Variants in OLFM1 observed in about 807,000 individuals in gnomAD.
OLFM1 encodes noelin.
In OLFM1, 9 loss-of-function variants were observed where a neutral mutation model predicts 49.7. The ratio of observed to expected loss-of-function variants is 0.18; its 90% confidence interval spans 0.11 to 0.32. OLFM1 has a LOEUF of 0.32. OLFM1 is among the 10% of genes least tolerant of loss of function. The pLI, the probability that OLFM1 is intolerant of heterozygous loss-of-function variation, is 1.00. For missense variants in OLFM1, 369 were observed against 661.8 expected (o/e 0.56, Z 4.85); for synonymous variants, 240 against 271.8 (o/e 0.88, Z 1.15).
At chr9:135,075,704 T>C (rs750773824) in exon 1 of OLFM1, 1 of 1,594,492 alleles carries the variant, frequency 6.3e-7, no homozygotes, top group South Asian at 1.1e-5. Flanking sequence ...CCCAGGGCCC[T>C]GCATGCCAGG....
intron 1 of OLFM1, among the ~76,000 whole-genome samples, chr9:135,081,108 G>A (rs577344470): frequency 6.6e-5 from 10 of 152,100 alleles, no homozygotes; most frequent in South Asian, 2.1e-4. Context: ...ATCATGTTGC[G>A]GCGGTCCCAG....
At chr9:135,076,320 T>A (rs1830465648) in intron 1 of OLFM1, 1 of 1,549,898 alleles carries the variant, frequency 6.5e-7, no homozygotes, top group Non-Finnish European at 8.7e-7. Flanking sequence ...GCAGCCAGCG[T>A]GCCGGCCAGC....
intron 1 of OLFM1, chr9:135,076,318 C>T (rs970771112): frequency 3.9e-6 from 6 of 1,549,744 alleles, no homozygotes; most frequent in East Asian, 4.9e-5. Flanking sequence ...GGGCAGCCAG[C>T]GTGCCGGCCA....
At chr9:135,090,165 C>T in intron 1 of OLFM1, 30 bp from the exon 2 acceptor site, 1 of 1,584,730 alleles carries the variant, frequency 6.3e-7, no homozygotes, top group East Asian at 2.3e-5. Context: ...TCTCTCCTTC[C>T]CTCTCCCTTC....
chr9:135,115,632 C>T lies in OLFM1; in HGVS notation c.784-3872C>T, dbSNP rs551356661. On this transcript the variant is annotated intron_variant, in intron 5 of 5. Coordinates refer to ENST00000371793, the MANE Select transcript of OLFM1 (RefSeq NM_001282611.2). ...GGCCTCTGCCCCTAGATGCCAGCAGCACTTTCCCCACTTCCCAGTCAAGAC... is the reference window on the plus strand; with the variant it reads ...GGCCTCTGCCCCTAGATGCCAGCAGTACTTTCCCCACTTCCCAGTCAAGAC... Among the ~76,000 whole-genome samples the T allele has an allele frequency of 3.9e-5, 6 of 152,356 alleles. No homozygotes were observed. The East Asian group carries it at 1.2e-3, about 29-fold the overall frequency.
At chr9:135,096,488 G>T (rs895871536) in intron 3 of OLFM1, among the ~76,000 whole-genome samples, 1 of 152,246 alleles carries the variant, frequency 6.6e-6, no homozygotes, top group Non-Finnish European at 1.5e-5. Flanking sequence ...TGGCAGTAGG[G>T]AGGCCACCAC....
At chr9:135,084,542 CCT>C (rs1588202945), upstream of OLFM1, among the ~76,000 whole-genome samples, 1 of 149,540 alleles carries the variant, frequency 6.7e-6, no homozygotes, top group Non-Finnish European at 1.5e-5. This position sits in a 1 kb window ranked among gnomAD's most constrained non-coding sequence, Gnocchi z 4.6. Flanking sequence ...TCTTTGTCTT[CCT>C]CTCTGTCTCC....
chr9:135,082,293 C>T (rs1302079170), intron 1 of OLFM1, among the ~76,000 whole-genome samples: 1 of 152,102 alleles, frequency 6.6e-6, no homozygotes, highest in Non-Finnish European at 1.5e-5. Flanking sequence ...CGCTTTGGGC[C>T]GTCCCTAAAG....
In OLFM1 at chr9:135,120,416, G is replaced by C. The variant is rs916924450; in HGVS notation, c.*238G>C. ...CTGGAACTGCAGCCCACGGCGCCCC[G>C]GTTTTCCTCCCCGCCCTGTCCCTCT... is the stretch of plus-strand genomic sequence containing the variant. On this transcript the variant is annotated 3_prime_UTR_variant, in exon 6 of 6. Coordinates refer to ENST00000371793, the MANE Select transcript of OLFM1 (RefSeq NM_001282611.2). The C allele has an allele frequency of 3.5e-6, 2 of 564,724 alleles. No individual in the cohort carries two copies. The highest frequency in any genetic ancestry group is 6.6e-5 in the Admixed American group (2 of 30,500). The allele number at this position is 564,724 out of a possible 1,614,324, so 35.0% of individuals were successfully genotyped here. A position where few individuals can be genotyped will look rare whatever the true frequency, so the allele number is the denominator to read the frequency against.
intron 5 of OLFM1, among the ~76,000 whole-genome samples, chr9:135,111,974 CA>C (rs1239298079): frequency 6.6e-6 from 1 of 152,208 alleles, no homozygotes; most frequent in Non-Finnish European, 1.5e-5. Flanking sequence ...ATCGGCCTCC[CA>C]AAGTGCTGGG....
upstream of OLFM1, among the ~76,000 whole-genome samples, chr9:135,084,736 G>T (rs1279979309): frequency 1.3e-5 from 2 of 152,072 alleles, no homozygotes; most frequent in Non-Finnish European, 2.9e-5. The surrounding 1 kb of genome is among the most constrained non-coding windows in gnomAD (Gnocchi z 4.6). Context: ...GTCCCTTGAG[G>T]GCATCCTTTG....
chr9:135,093,557 C>T (rs527554021), intron 2 of OLFM1, among the ~76,000 whole-genome samples: 6 of 152,320 alleles, frequency 3.9e-5, no homozygotes, highest in Non-Finnish European at 5.9e-5. Flanking sequence ...TGTTAGTTAT[C>T]TTGAGGCCAG....
In OLFM1 at chr9:135,097,289, G is replaced by A. The variant is rs1017213252; in HGVS notation, c.457-997G>A. Reference sequence around the variant, plus strand: ...CAATCCTGTTGAGGTGAAATGAGCCGATTGTGCTCATCAGAGGCAGTTGGA... The same window carrying A: ...CAATCCTGTTGAGGTGAAATGAGCCAATTGTGCTCATCAGAGGCAGTTGGA... On this transcript the variant is annotated intron_variant, in intron 3 of 5. Transcript: ENST00000371793. Among the ~76,000 whole-genome samples, 3 of 152,146 alleles carry A rather than the reference G, an allele frequency of 2.0e-5. No individual in the cohort carries two copies. In the East Asian group the frequency reaches 5.8e-4, roughly 29 times the overall value.
At chr9:135,097,660 CTCGAGCATTACAG>C (rs1830819023) in intron 3 of OLFM1, 1 of 833,678 alleles carries the variant, frequency 1.2e-6, no homozygotes, top group African/African-American at 1.7e-5. Flanking sequence ...TTTTGACTAA[CTCGAGCATTACAG>C]TGGGATTTTT....
chr9:135,078,946 C>A (rs2119083579), intron 1 of OLFM1, among the ~76,000 whole-genome samples: 1 of 152,316 alleles, frequency 6.6e-6, no homozygotes, highest in Middle Eastern at 3.4e-3. Flanking sequence ...GAGGATTAAA[C>A]AAGATGATTC....
chr9:135,112,574 A>G (rs961864677), intron 5 of OLFM1, among the ~76,000 whole-genome samples: 3 of 152,068 alleles, frequency 2.0e-5, no homozygotes, highest in Non-Finnish European at 1.5e-5. Flanking sequence ...CTGGGGCAGG[A>G]TGGCCAGCCA....
intron 1 of OLFM1, among the ~76,000 whole-genome samples, chr9:135,078,361 C>T (rs76663457): frequency 2.8e-3 from 419 of 152,322 alleles, no homozygotes; most frequent in Non-Finnish European, 4.7e-3. Flanking sequence ...ATGTCAGAAA[C>T]GCCTGGATCC....
At chr9:135,100,452 A>G (rs1564274781) in intron 4 of OLFM1, among the ~76,000 whole-genome samples, 1 of 152,206 alleles carries the variant, frequency 6.6e-6, no homozygotes, top group Non-Finnish European at 1.5e-5. Flanking sequence ...AGGCCTCCAG[A>G]GGCCCTCTTT....
upstream of OLFM1, chr9:135,087,388 G>A (rs780396416): frequency 6.5e-7 from 1 of 1,546,808 alleles, no homozygotes; most frequent in Non-Finnish European, 8.7e-7. Context: ...GAGAAGCCCC[G>A]GGACGGGAGG....
Sources: allele counts gnomAD v4.1 joint callset (sites outside exome capture counted in the v4.1 genomes callset), GRCh38; gene constraint gnomAD v4.1.1; non-coding constraint Gnocchi (gnomAD v3.1); transcripts MANE v1.5; gene names NCBI Gene and HGNC (gene_info 2026-07-23, HGNC 2026-07-21).